PLEKHA7: variants seen among roughly 807,000 people sequenced by gnomAD.
PLEKHA7 encodes pleckstrin homology domain-containing family A member 7.
A neutral mutation model predicts 170.0 loss-of-function variants in PLEKHA7; 104 were observed. The observed-to-expected ratio is 0.61, with a 90% CI of 0.52 to 0.72. PLEKHA7 has a LOEUF of 0.72. Among genes scored for constraint, PLEKHA7 ranks in the 30% least tolerant of loss-of-function variants. The probability of loss-of-function intolerance (pLI) is 0.00; values close to 1 mark genes in which losing one functional copy is unlikely to be tolerated. For synonymous variants in PLEKHA7, 648 were observed against 660.8 expected (o/e 0.98, Z 0.30); for missense variants, 1,615 against 1,671.7 (o/e 0.97, Z 0.59).
intron 9 of PLEKHA7, among the ~76,000 whole-genome samples, chr11:16,836,998 AT>A (rs1487220063): frequency 6.6e-6 from 1 of 151,826 alleles, no homozygotes; most frequent in East Asian, 1.9e-4. Context: ...TAATTTTTGT[AT>A]TTTTAGTAGA....
rs1350451646 is a variant in PLEKHA7 at position 16,871,084 on chromosome 11, C to T, written c.305+15G>A. ...ATACTCTGCCCAGATAAGGAGAATA[C>T]ATAAAAAGACTTACTCTTCTTGAAG... On this transcript the variant is annotated intron_variant, in intron 4 of 26. Coordinates refer to ENST00000531066, the MANE Select transcript of PLEKHA7 (RefSeq NM_001329630.2). The T allele has an allele frequency of 6.4e-7, 1 of 1,561,408 alleles. No homozygotes were observed. Among genetic ancestry groups the T allele is most frequent in the African/African-American group, 1.4e-5 (1 of 73,692 alleles).
intron 3 of PLEKHA7, among the ~76,000 whole-genome samples, chr11:16,894,752 C>T (rs983992811): frequency 3.3e-5 from 5 of 152,114 alleles, no homozygotes; most frequent in Non-Finnish European, 5.9e-5. Context: ...TCCCAGTGCA[C>T]GAGACTTCTC....
chr11:16,786,685 G>A (rs1849419402), intron 23 of PLEKHA7: 2 of 985,340 alleles, frequency 2.0e-6, no homozygotes, highest in South Asian at 4.7e-5. Flanking sequence ...CCCAGAGAGG[G>A]TGACCTCCAA....
rs1849136829 is a variant in PLEKHA7 at position 16,782,827 on chromosome 11, C to T, written c.3720G>A (p.Gln1240=). 6.5e-7 allele frequency: 1 copy of T among 1,536,068 alleles called. No homozygotes were observed. The highest frequency in any genetic ancestry group is 8.7e-7 in the Non-Finnish European group (1 of 1,146,922). The change falls in exon 26 of 27, where the codon CAG becomes CAA. Residue 1240 remains glutamine, a synonymous_variant. Coordinates refer to ENST00000531066, the MANE Select transcript of PLEKHA7 (RefSeq NM_001329630.2). ...AGATGTTGATGATGCGCTCCTGCTC[C>T]TGCAGCTGCAAGTCCAGGTCAGCCA... ...NSVADLDLQL[Q]EQERIINISY...
At chr11:16,978,491 G>C (rs538217090) in intron 3 of PLEKHA7, among the ~76,000 whole-genome samples, 2 of 152,356 alleles carry the variant, frequency 1.3e-5, no homozygotes, top group African/African-American at 4.8e-5. Flanking sequence ...TAATGGCAAA[G>C]TGGTAGCAGG....
In PLEKHA7 at chr11:16,845,976, C is replaced by A. The variant is rs914474288; in HGVS notation, c.697-4254G>T. ...AGTTTACAACTTGCAGAGGTAGTGG[C>A]GACCATTTATTGAGATTAAGAAAAG... On this transcript the variant is annotated intron_variant, in intron 8 of 26. Transcript: ENST00000531066. Among the ~76,000 whole-genome samples, 105 of 152,160 alleles carry A rather than the reference C, an allele frequency of 6.9e-4. 1 individual carries two copies. The highest frequency in any genetic ancestry group is 2.4e-3 in the African/African-American group (98 of 41,514).
intron 3 of PLEKHA7, among the ~76,000 whole-genome samples, chr11:16,886,383 AT>A (rs1326233415): frequency 6.6e-6 from 1 of 152,240 alleles, no homozygotes; most frequent in Non-Finnish European, 1.5e-5. Context: ...AAAAAAAATA[AT>A]TGATTCAGCT....
At chr11:16,797,463 T>C (rs1432839325) in intron 17 of PLEKHA7, among the ~76,000 whole-genome samples, 1 of 152,176 alleles carries the variant, frequency 6.6e-6, no homozygotes, top group Non-Finnish European at 1.5e-5. Flanking sequence ...TCTCAGTGCA[T>C]ACATGCTACG....
intron 20 of PLEKHA7, 43 bp from the exon 21 acceptor site, chr11:16,790,958 C>G: frequency 6.2e-7 from 1 of 1,613,690 alleles, no homozygotes; most frequent in Non-Finnish European, 8.5e-7. Flanking sequence ...CAGTGTCACA[C>G]CCCTTTACCT....
At position 16,794,558 on chromosome 11, in the gene PLEKHA7, C is replaced by A; in HGVS notation, c.2675G>T (p.Arg892Leu). Residue 892 changes from arginine to leucine, a missense_variant, in exon 19 of 27, where the codon CGA becomes CTA. Transcript: ENST00000531066. ...TTTCCTCAGCTGGGGTGGGTGAGGT[C>A]GGTACGGCACGTAGGTTTGCAGCTG... ...FPQLQTYVPY[R>L]PHPPQLRKVT... The A allele has an allele frequency of 1.2e-6, 2 of 1,613,592 alleles. No individual in the cohort carries two copies. Among genetic ancestry groups the A allele is most frequent in the Non-Finnish European group, 1.7e-6 (2 of 1,179,830 alleles).
intron 3 of PLEKHA7, among the ~76,000 whole-genome samples, chr11:16,874,319 C>T (rs1227226078): frequency 6.6e-6 from 1 of 152,064 alleles, no homozygotes; most frequent in Non-Finnish European, 1.5e-5. Context: ...TCAACCTGGG[C>T]AACATGGTGA....
chr11:16,900,145 G>T (rs1197496536), intron 3 of PLEKHA7, among the ~76,000 whole-genome samples: 2 of 152,210 alleles, frequency 1.3e-5, no homozygotes, highest in South Asian at 2.1e-4. Context: ...AGAAATCCAG[G>T]TCACACTCCA....
At chr11:16,794,464 C>T (rs1439698593) in intron 19 of PLEKHA7, 24 bp downstream of exon 19, 2 of 1,587,300 alleles carry the variant, frequency 1.3e-6, no homozygotes, top group Admixed American at 1.7e-5. Flanking sequence ...CAATGGCATT[C>T]AGCTCCTAGT....
chr11:16,983,523 C>T (rs1863559952), intron 3 of PLEKHA7, among the ~76,000 whole-genome samples: 1 of 152,078 alleles, frequency 6.6e-6, no homozygotes, highest in African/African-American at 2.4e-5. Context: ...ACCCTAACAA[C>T]CAGATAGGAA....
chr11:16,916,155 G>T (rs552413757), intron 3 of PLEKHA7, among the ~76,000 whole-genome samples: 290 of 152,316 alleles, frequency 1.9e-3, no homozygotes, highest in Non-Finnish European at 3.3e-3. Context: ...GCTGCATAAA[G>T]GTCTTCTTTT....
rs901356820 is a variant in PLEKHA7, at chr11:16,820,316, T to C, written c.1344-2994A>G. On this transcript the variant is annotated intron_variant, in intron 10 of 26. Coordinates refer to ENST00000531066, the MANE Select transcript of PLEKHA7 (RefSeq NM_001329630.2). ...AAGTCTCACCTTCCTTATTACAAAA[T>C]GGGGATAGTAAGAACCACTTAGAAA... 3.3e-5 allele frequency among the ~76,000 whole-genome samples: 5 copies of C among 152,342 alleles called. 1 individual carries two copies. The South Asian group carries it at 8.3e-4, about 25-fold the overall frequency.
At chr11:16,887,656 G>C (rs540770341) in intron 3 of PLEKHA7, among the ~76,000 whole-genome samples, 23 of 152,170 alleles carry the variant, frequency 1.5e-4, no homozygotes, top group African/African-American at 5.3e-4. Context: ...TCAGCCTCCC[G>C]AAGTGCTGGA....
At chr11:16,913,357 G>A (rs916724509) in intron 3 of PLEKHA7, among the ~76,000 whole-genome samples, 8 of 152,138 alleles carry the variant, frequency 5.3e-5, no homozygotes, top group East Asian at 1.9e-4. Flanking sequence ...ATGCTGGCCC[G>A]CACAGCATGG....
At chr11:16,796,814 C>G (rs1306347377) in intron 17 of PLEKHA7, among the ~76,000 whole-genome samples, 1 of 151,994 alleles carries the variant, frequency 6.6e-6, no homozygotes, top group African/African-American at 2.4e-5. Context: ...TGCCACCATG[C>G]CTGGCTAGTT....
Sources: allele counts gnomAD v4.1 joint callset (sites outside exome capture counted in the v4.1 genomes callset), GRCh38; gene constraint gnomAD v4.1.1; transcripts MANE v1.5; gene names NCBI Gene and HGNC (gene_info 2026-07-23, HGNC 2026-07-21).